The following KANSL1L variants were observed in gnomAD, a reference collection of about 807,000 sequenced individuals.
The protein encoded by KANSL1L is KAT8 regulatory NSL complex subunit 1 like.
KANSL1L carries 25 observed loss-of-function variants against 108.6 expected under a neutral mutation model. That is an observed-to-expected ratio of 0.23 (90% CI 0.17 to 0.32). KANSL1L has a LOEUF of 0.32. KANSL1L is among the 10% of genes least tolerant of loss of function. The pLI, the probability that KANSL1L is intolerant of heterozygous loss-of-function variation, is 1.00. For missense variants in KANSL1L, 1,137 were observed against 1,125.7 expected (o/e 1.01, Z -0.14); for synonymous variants, 405 against 395.1 (o/e 1.03, Z -0.30).
chr2:210,045,654 C>G (rs929487596), intron 6 of KANSL1L, among the ~76,000 whole-genome samples: 3 of 152,156 alleles, frequency 2.0e-5, no homozygotes, highest in Admixed American at 6.6e-5. Flanking sequence ...TCCGAATTCT[C>G]TCAGTTTTTA....
intron 2 of KANSL1L, chr2:210,152,058 A>C (rs2095307307): frequency 1.3e-5 from 2 of 152,124 alleles, no homozygotes; most frequent in South Asian, 4.1e-4. Flanking sequence ...TTTGTTATAC[A>C]GATTATTTCA....
At position 210,024,152 on chromosome 2, in the gene KANSL1L, G is replaced by A. The variant is rs202230296; in HGVS notation, c.2614C>T (p.Pro872Ser). The change falls in exon 14 of 15, where the codon CCT (proline) becomes TCT (serine). Residue 872 changes from proline (P) to serine (S), a missense_variant. Pro to Ser is a moderately conservative substitution (Grantham distance 74, BLOSUM62 -1). Coordinates refer to ENST00000281772, the MANE Select transcript of KANSL1L (RefSeq NM_152519.4). ...TGCTGACTGCTACTGAAGTTATTAG[G>A]GTATTCTTTCAAAAGCAAGTCCTGT... is the stretch of plus-strand genomic sequence containing the variant. ...EGQDLLLKEYPNNFSSSQQCA... is the reference protein window; with the variant it reads ...EGQDLLLKEYSNNFSSSQQCA... 6.8e-6 allele frequency: 11 copies of A among 1,606,394 alleles called. No homozygotes were observed. Among genetic ancestry groups the A allele is most frequent in the Middle Eastern group, 1.6e-4 (1 of 6,068 alleles).
chr2:210,076,661 A>G (rs2094544481), intron 5 of KANSL1L, among the ~76,000 whole-genome samples: 1 of 151,710 alleles, frequency 6.6e-6, no homozygotes, highest in Non-Finnish European at 1.5e-5. Context: ...GCATAATTTT[A>G]TATTTATTCT....
intron 1 of KANSL1L, among the ~76,000 whole-genome samples, chr2:210,169,320 A>T (rs1164517671): frequency 6.6e-6 from 1 of 152,218 alleles, no homozygotes; most frequent in African/African-American, 2.4e-5. Context: ...GAAAAAATTT[A>T]AAATATGATA....
chr2:210,118,589 G>A (rs1295805597), intron 3 of KANSL1L, among the ~76,000 whole-genome samples: 1 of 152,040 alleles, frequency 6.6e-6, no homozygotes, highest in Non-Finnish European at 1.5e-5. Context: ...GCTCGTACCT[G>A]TAATCCCAGC....
intron 3 of KANSL1L, among the ~76,000 whole-genome samples, chr2:210,110,570 C>T (rs775085703): frequency 1.3e-5 from 2 of 151,964 alleles, no homozygotes; most frequent in African/African-American, 2.4e-5. Context: ...AGAATATGGT[C>T]AAAGACAGAA....
At chr2:210,104,450 G>T in intron 3 of KANSL1L, 149 bp from the exon 4 acceptor site, 1 of 614,910 alleles carries the variant, frequency 1.6e-6, no homozygotes, top group South Asian at 2.2e-5. Flanking sequence ...TAAAGAACTG[G>T]CTGGTTTAAA....
chr2:210,155,472 TAAAAA>T (rs552617034), intron 1 of KANSL1L, among the ~76,000 whole-genome samples: 356 of 152,232 alleles, frequency 2.3e-3, no homozygotes, highest in African/African-American at 8.0e-3. Flanking sequence ...TCACAGCTGT[TAAAAA>T]TATGTGATAG....
At chr2:210,040,284 TGTAAAAA>T in intron 8 of KANSL1L, 129 bp downstream of exon 8, 1 of 634,528 alleles carries the variant, frequency 1.6e-6, no homozygotes, top group Non-Finnish European at 2.8e-6. Flanking sequence ...GTACATGAGT[TGTAAAAA>T]GTGAGTATTA....
intron 6 of KANSL1L, among the ~76,000 whole-genome samples, chr2:210,048,671 G>C (rs1242855908): frequency 6.6e-6 from 1 of 151,004 alleles, no homozygotes; most frequent in African/African-American, 2.4e-5. Flanking sequence ...GTATGGTTTT[G>C]TTTTTGTTTG....
chr2:210,151,197 T>C (rs1035184181), intron 2 of KANSL1L, among the ~76,000 whole-genome samples: 3 of 152,080 alleles, frequency 2.0e-5, no homozygotes, highest in Non-Finnish European at 4.4e-5. Flanking sequence ...TGTATTATAT[T>C]TTTTGTATAG....
chr2:210,161,495 G>A (rs2095361251), intron 1 of KANSL1L, among the ~76,000 whole-genome samples: 1 of 152,150 alleles, frequency 6.6e-6, no homozygotes, highest in Admixed American at 6.5e-5. Flanking sequence ...TAGAAAAAAT[G>A]TTTGTGACAC....
At chr2:210,043,711 G>A (rs1440067405) in intron 7 of KANSL1L, 1 of 348,958 alleles carries the variant, frequency 2.9e-6, no homozygotes, top group Non-Finnish European at 5.1e-6. Flanking sequence ...AGTAAATCAA[G>A]TTGGTTTAGA....
chr2:210,160,312 A>G (rs771166341), intron 1 of KANSL1L, among the ~76,000 whole-genome samples: 8 of 152,142 alleles, frequency 5.3e-5, no homozygotes, highest in Non-Finnish European at 1.0e-4. Flanking sequence ...CTCATACTCA[A>G]TGTTGTACTG....
chr2:210,095,153 G>C (rs77690957), intron 5 of KANSL1L, among the ~76,000 whole-genome samples: 1,633 of 152,050 alleles, frequency 0.011, 24 homozygotes, highest in African/African-American at 0.035. Context: ...CCATAACTTT[G>C]TGATAAGGTG....
At position 210,153,630 on chromosome 2, in the gene KANSL1L, G is replaced by C. The variant is rs1355394751; in HGVS notation, c.953C>G (p.Ala318Gly). 1 of 1,613,106 alleles carries C rather than the reference G, an allele frequency of 6.2e-7. No individual in the cohort carries two copies. Among genetic ancestry groups the C allele is most frequent in the South Asian group, 1.1e-5 (1 of 90,860 alleles). ...AAATGCAAATCTTTGGATTTCCGCAGCTGTACACCGTGCAAAGCCATTTTT... is the reference window on the plus strand; with the variant it reads ...AAATGCAAATCTTTGGATTTCCGCACCTGTACACCGTGCAAAGCCATTTTT... ...DAKNGFARCT[A>G]AEIQRFAFSA... is the part of the protein sequence containing the mutation. Residue 318 changes from alanine (A) to glycine (G), a missense_variant, in exon 2 of 15, where the codon GCT (alanine) becomes GGT (glycine). By Grantham distance (60) the Ala-to-Gly change is moderately conservative. Transcript: ENST00000281772.
Position 210,075,727 on chromosome 2 carries a change from G to A in KANSL1L, c.1580C>T (p.Ser527Phe). Residue 527 changes from serine to phenylalanine, a missense_variant, in exon 6 of 15, where the codon TCC becomes TTC. This residue lies in a region of KANSL1L where 575 missense variants were observed against 567.1 expected (regional missense o/e 1.01). Transcript: ENST00000281772. ...SASENLDELS[S>F]SSSWLLNQKH... The stretch of plus-strand genomic sequence containing the variant: ...CTGGTTAAGTAACCAGCTACTGGAG[G>A]AAGACAGCTCATCTAAATTCTCTGA... 6.2e-7 allele frequency: 1 copy of A among 1,613,872 alleles called. No individual in the cohort carries two copies. Among genetic ancestry groups the A allele is most frequent in the African/African-American group, 1.3e-5 (1 of 75,036 alleles).
chr2:210,172,428 T>A (rs971477808), upstream of KANSL1L, among the ~76,000 whole-genome samples: 2 of 152,180 alleles, frequency 1.3e-5, no homozygotes, highest in African/African-American at 4.8e-5. Context: ...GGAATTGCAG[T>A]CATAACAAAG....
chr2:210,026,895 C>G (rs987420266), intron 12 of KANSL1L, among the ~76,000 whole-genome samples: 7 of 152,138 alleles, frequency 4.6e-5, no homozygotes, highest in East Asian at 1.9e-4. Flanking sequence ...CTCAGCCTCC[C>G]AAGTAGCTGG....
Sources: gnomAD v4.1 joint callset for allele counts (sites outside exome capture counted in the v4.1 genomes callset) on GRCh38, gnomAD v4.1.1 for gene constraint, gnomAD v4.1.1 regional missense constraint, MANE v1.5 for transcripts, NCBI Gene and HGNC (gene_info 2026-07-23, HGNC 2026-07-21) for gene names.